Variants in SVEP1 observed in about 807,000 individuals in gnomAD.
The protein encoded by SVEP1 is sushi, von Willebrand factor type A, EGF and pentraxin domain containing 1, also known as sushi, von Willebrand factor type A, EGF and pentraxin domain-containing protein 1.
A neutral mutation model predicts 367.3 loss-of-function variants in SVEP1; 164 were observed. The observed-to-expected ratio is 0.45, with a 90% CI of 0.39 to 0.51. The LOEUF is 0.51. Ranked by LOEUF, SVEP1 falls within the 20% of genes least tolerant of loss-of-function variation. SVEP1 has a pLI of 0.00. For synonymous variants in SVEP1, 1,666 were observed against 1,611.6 expected, an observed-to-expected ratio of 1.03 and a Z score of -0.81; for missense variants, 4,117 against 4,425.3, an observed-to-expected ratio of 0.93 and a Z score of 1.98.
At position 110,408,139 on chromosome 9, in the gene SVEP1, A is replaced by G; in HGVS notation, c.7461T>C (p.Leu2487=). The change falls in exon 38 of 48, where the codon CTT becomes CTC. Residue 2487 remains leucine (L), a synonymous_variant. Transcript: ENST00000374469. ...TGGCTTTACATGTTGGTTTTCCTCCAAGCCAGTGACCATTTTCTCCACAAA... is the reference window on the plus strand; with the variant it reads ...TGGCTTTACATGTTGGTTTTCCTCCGAGCCAGTGACCATTTTCTCCACAAA... ...TTLCGENGHW[L]GGKPTCKAIE... 1 of 1,613,854 alleles carries G rather than the reference A, an allele frequency of 6.2e-7. No homozygotes were observed. Among genetic ancestry groups the G allele is most frequent in the Non-Finnish European group, 8.5e-7 (1 of 1,179,850 alleles).
At chr9:110,394,021 G>C (rs901080411) in intron 40 of SVEP1, among the ~76,000 whole-genome samples, 1 of 152,216 alleles carries the variant, frequency 6.6e-6, no homozygotes, top group African/African-American at 2.4e-5. Context: ...GGTTCTCCCA[G>C]CACGCAGCTT....
intron 1 of SVEP1, among the ~76,000 whole-genome samples, chr9:110,560,076 G>C (rs1340241798): frequency 6.6e-6 from 1 of 152,100 alleles, no homozygotes; most frequent in Non-Finnish European, 1.5e-5. Context: ...GTCAATGACA[G>C]ACCACATATA....
At chr9:110,399,403 G>T (rs979602452) in intron 40 of SVEP1, among the ~76,000 whole-genome samples, 2 of 151,816 alleles carry the variant, frequency 1.3e-5, no homozygotes, top group East Asian at 3.9e-4. Flanking sequence ...ACGAATTAAT[G>T]GGTGCACCAC....
At chr9:110,514,420 G>A (rs530169018) in intron 3 of SVEP1, among the ~76,000 whole-genome samples, 1 of 151,610 alleles carries the variant, frequency 6.6e-6, no homozygotes, top group South Asian at 2.1e-4. Context: ...GGCCAAGGCA[G>A]GAGAATCGCT....
chr9:110,397,089 C>T (rs555215737), intron 40 of SVEP1, among the ~76,000 whole-genome samples: 1 of 152,246 alleles, frequency 6.6e-6, no homozygotes, highest in African/African-American at 2.4e-5. Flanking sequence ...ATGCAAAAAT[C>T]CTCAGTAAAA....
chr9:110,375,361 G>C lies in SVEP1; in HGVS notation c.10600+7C>G. On this transcript the variant is annotated splice_region_variant and intron_variant, in intron 46 of 47. Coordinates refer to ENST00000374469, the MANE Select transcript of SVEP1 (RefSeq NM_153366.4). ...CACCAAGAAAACAAACCATGAAAGA[G>C]GCCTACCTGTATGACAGCGAGACCC... 1 of 1,541,596 alleles carries C rather than the reference G, an allele frequency of 6.5e-7. No individual in the cohort carries two copies. The highest frequency in any genetic ancestry group is 8.7e-7 in the Non-Finnish European group (1 of 1,143,028).
At chr9:110,405,592 C>A (rs904861809) in intron 38 of SVEP1, among the ~76,000 whole-genome samples, 17 of 150,360 alleles carry the variant, frequency 1.1e-4, no homozygotes, top group African/African-American at 4.2e-4. Context: ...CAGCATAATT[C>A]ATATGTATTA....
In SVEP1 at chr9:110,541,275, G is replaced by T. The variant is rs75651369; in HGVS notation, c.964+4840C>A. Among the ~76,000 whole-genome samples, 8 of 824 alleles carry T rather than the reference G, an allele frequency of 9.7e-3. No homozygotes were observed. In the African/African-American group the frequency reaches 0.25, roughly 26 times the overall value. The allele number at this position is 824 out of a possible 152,430, so 0.5% of individuals were successfully genotyped here. On this transcript the variant is annotated intron_variant, in intron 3 of 47. Transcript: ENST00000374469. ...ACTTTTTGTCTGTTTTATTATTATT[G>T]TTTTTAAACTTGTCATTGACCTGAA...
intron 14 of SVEP1, among the ~76,000 whole-genome samples, chr9:110,474,115 C>T (rs932946282): frequency 2.0e-5 from 3 of 152,150 alleles, no homozygotes; most frequent in African/African-American, 4.8e-5. Flanking sequence ...ACTCTCCTGC[C>T]TCAGCCTCCC....
chr9:110,502,913 T>C (rs1390451965), intron 6 of SVEP1, 125 bp downstream of exon 6: 23 of 963,836 alleles, frequency 2.4e-5, no homozygotes, highest in Non-Finnish European at 3.3e-5. Flanking sequence ...CCTGCACCTG[T>C]ACATGTGGAT....
intron 1 of SVEP1, among the ~76,000 whole-genome samples, chr9:110,552,024 C>CTTTTTTTTTTT (rs34366561): frequency 2.6e-5 from 2 of 77,006 alleles, no homozygotes; most frequent in African/African-American, 5.0e-5. Flanking sequence ...GGTACCCAAC[C>CTTTTTTTTTTT]TTTTTTTTTT....
chr9:110,514,145 C>T (rs1465330279), intron 3 of SVEP1, 39 bp from the exon 4 acceptor site: 4 of 1,592,344 alleles, frequency 2.5e-6, no homozygotes, highest in Non-Finnish European at 3.4e-6. Flanking sequence ...TGTTATGTGG[C>T]ACATCAGCTG....
At chr9:110,538,153 T>A (rs1830102055) in intron 3 of SVEP1, among the ~76,000 whole-genome samples, 1 of 151,998 alleles carries the variant, frequency 6.6e-6, no homozygotes, top group Non-Finnish European at 1.5e-5. Flanking sequence ...ACAATCATGA[T>A]AGACTGGAAA....
intron 5 of SVEP1, among the ~76,000 whole-genome samples, chr9:110,503,643 A>G (rs984791318): frequency 6.6e-6 from 1 of 152,204 alleles, no homozygotes; most frequent in East Asian, 1.9e-4. Context: ...CTTGGTTCTT[A>G]GACCTCATGG....
intron 16 of SVEP1, among the ~76,000 whole-genome samples, chr9:110,470,857 C>A (rs1204943573): frequency 1.1e-4 from 17 of 151,780 alleles, no homozygotes; most frequent in African/African-American, 4.1e-4. Context: ...TATACATGTG[C>A]CATGTTGGTG....
chr9:110,571,020 G>T (rs1430699047), intron 1 of SVEP1, among the ~76,000 whole-genome samples: 1 of 140,436 alleles, frequency 7.1e-6, no homozygotes, highest in Non-Finnish European at 1.5e-5. Context: ...ACTGTCGCCT[G>T]GGCTGGAGTT....
Position 110,458,454 on chromosome 9 carries a change from A to G in SVEP1, c.3576+17T>C. 1.2e-6 allele frequency: 2 copies of G among 1,605,402 alleles called. No individual in the cohort carries two copies. Among genetic ancestry groups the G allele is most frequent in the Middle Eastern group, 1.7e-4 (1 of 6,050 alleles). Reference sequence around the variant, plus strand: ...CAAGCATTCCACTAGAGAACAGTTTATGCAAAATGAACTTGCCTGACTGCT... The same window carrying G: ...CAAGCATTCCACTAGAGAACAGTTTGTGCAAAATGAACTTGCCTGACTGCT... On this transcript the variant is annotated intron_variant, in intron 20 of 47. Transcript: ENST00000374469.
chr9:110,528,131 C>CGTGTGTGTGTGT lies in SVEP1; in HGVS notation c.965-14037_965-14026dup, dbSNP rs35039778. On this transcript the variant is annotated intron_variant, in intron 3 of 47. Transcript: ENST00000374469. ...ATATACATATATACATACATACACA[C>CGTGTGTGTGTGT]GTGTGTGTGTGTGTGTGTGTGTGTG... Among the ~76,000 whole-genome samples, 16 of 65,384 alleles carry CGTGTGTGTGTGT rather than the reference C, an allele frequency of 2.4e-4. 1 individual carries two copies. Among genetic ancestry groups the CGTGTGTGTGTGT allele is most frequent in the Admixed American group, 6.0e-4 (3 of 5,004 alleles). The allele number at this position is 65,384 out of a possible 152,430, so 42.9% of individuals were successfully genotyped here. A position where few individuals can be genotyped will look rare whatever the true frequency, so the allele number is the denominator to read the frequency against.
chr9:110,511,487 C>CATTTTTTTTT (rs1564163441), intron 5 of SVEP1, among the ~76,000 whole-genome samples: 3 of 69,538 alleles, frequency 4.3e-5, no homozygotes. Context: ...TGTGTCAGTA[C>CATTTTTTTTT]CTTTTTTTTT....
Sources: allele counts gnomAD v4.1 joint callset (sites outside exome capture counted in the v4.1 genomes callset), GRCh38; gene constraint gnomAD v4.1.1; transcripts MANE v1.5; gene names NCBI Gene and HGNC (gene_info 2026-07-23, HGNC 2026-07-21).